UBE3B: variants seen among roughly 807,000 people sequenced by gnomAD.
UBE3B encodes ubiquitin-protein ligase E3B.
A neutral mutation model predicts 132.3 loss-of-function variants in UBE3B; 80 were observed. That is an observed-to-expected ratio of 0.60 (90% CI 0.50 to 0.73). The LOEUF is 0.73. Ranked by LOEUF, UBE3B falls within the 30% of genes least tolerant of loss-of-function variation. UBE3B has a pLI of 0.00. For synonymous variants in UBE3B, 487 were observed against 520.4 expected, an observed-to-expected ratio of 0.94 and a Z score of 0.87; for missense variants, 1,196 against 1,362.5, an observed-to-expected ratio of 0.88 and a Z score of 1.92.
In UBE3B at chr12:109,500,569, G is replaced by A. The variant is rs532127059; in HGVS notation, c.1118+759G>A. Among the ~76,000 whole-genome samples, 13 of 152,284 alleles carry A rather than the reference G, an allele frequency of 8.5e-5. No homozygotes were observed. In the East Asian group the frequency reaches 1.7e-3, roughly 20 times the overall value. ...TTGCTAGGGAACAGCCTGCCCCAGC[G>A]TGACACCTCAGCCTGAGGAGGATGG... is the stretch of plus-strand genomic sequence containing the variant. On this transcript the variant is annotated intron_variant, in intron 12 of 27. Transcript: ENST00000342494.
intron 10 of UBE3B, 58 bp from the exon 11 acceptor site, chr12:109,498,175 T>G (rs1878478199): frequency 1.3e-6 from 2 of 1,598,336 alleles, no homozygotes; most frequent in Non-Finnish European, 1.7e-6. Context: ...TCAAGTTCAC[T>G]CTCTACAGGA....
rs951958864 is a variant in UBE3B, at chr12:109,536,279, A to G, written c.*1497A>G. On this transcript the variant is annotated 3_prime_UTR_variant, in exon 28 of 28. Transcript: ENST00000342494. ...TAACCTCTGATTCTGTGGACTTGCC[A>G]CTTTCTCCAAACGCTCGGTTCCTTT... 1 of 152,248 alleles carries G rather than the reference A, an allele frequency of 6.6e-6. No homozygotes were observed. The highest frequency in any genetic ancestry group is 1.5e-5 in the Non-Finnish European group (1 of 68,054). 9.4% of individuals were successfully genotyped at this position (152,248 alleles called of 1,614,324 possible). A position where few individuals can be genotyped will look rare whatever the true frequency, so the allele number is the denominator to read the frequency against.
At chr12:109,511,505 T>C (rs1476847638) in intron 18 of UBE3B, among the ~76,000 whole-genome samples, 3 of 152,188 alleles carry the variant, frequency 2.0e-5, no homozygotes, top group African/African-American at 7.2e-5. Flanking sequence ...GAACTGGCGA[T>C]GCTGGTGGAG....
chr12:109,501,284 G>A (rs1878951029), intron 12 of UBE3B, 87 bp from the exon 13 acceptor site: 1 of 1,529,536 alleles, frequency 6.5e-7, no homozygotes, highest in Non-Finnish European at 8.9e-7. Flanking sequence ...ACAGCTCCGA[G>A]TGGAAGGCCA....
chr12:109,483,483 T>C, intron 2 of UBE3B, 48 bp from the exon 3 acceptor site: 1 of 1,497,916 alleles, frequency 6.7e-7, no homozygotes, highest in South Asian at 1.4e-5. Flanking sequence ...TCTGTGTGTG[T>C]TTTTCACACA....
At chr12:109,485,111 T>C (rs1592877853) in intron 4 of UBE3B, among the ~76,000 whole-genome samples, 1 of 152,198 alleles carries the variant, frequency 6.6e-6, no homozygotes, top group East Asian at 1.9e-4. Flanking sequence ...CTGCAAATCA[T>C]ACAAAAGGTG....
Position 109,478,085 on chromosome 12 carries a change from C to T in UBE3B, c.-152C>T, listed in dbSNP as rs370992279. The T allele has an allele frequency of 6.5e-6, 1 of 153,266 alleles. No individual in the cohort carries two copies. The highest frequency in any genetic ancestry group is 2.0e-4 in the South Asian group (1 of 4,958). 9.5% of individuals were successfully genotyped at this position (153,266 alleles called of 1,614,324 possible). ...ACTCACCTAAACTGGAGTTCGAATA[C>T]TGTTCGCTCGCTGTGTGACCTTGGG... On this transcript the variant is annotated 5_prime_UTR_variant, in exon 1 of 28. Transcript: ENST00000342494.
At chr12:109,517,520 CA>C in intron 19 of UBE3B, among the ~76,000 whole-genome samples, 1 of 152,156 alleles carries the variant, frequency 6.6e-6, no homozygotes, top group South Asian at 2.1e-4. Context: ...ACCGTGCCTC[CA>C]ATCTGCTGGA....
At chr12:109,498,020 C>A (rs1878458317) in intron 10 of UBE3B, 97 bp downstream of exon 10, 3 of 1,404,078 alleles carry the variant, frequency 2.1e-6, no homozygotes, top group African/African-American at 2.8e-5. Context: ...CTTATTTCCA[C>A]ACCTCCCTTT....
chr12:109,503,342 C>T, intron 14 of UBE3B, 152 bp downstream of exon 14: 2 of 973,382 alleles, frequency 2.1e-6, no homozygotes, highest in Non-Finnish European at 3.0e-6. Flanking sequence ...GATTAGTCCA[C>T]CTCAGTTACA....
Position 109,516,887 on chromosome 12 carries a change from G to A in UBE3B, c.2076+3G>A. On this transcript the variant is annotated splice_donor_region_variant and intron_variant, in intron 19 of 27. Coordinates refer to ENST00000342494, the MANE Select transcript of UBE3B (RefSeq NM_130466.4). Reference sequence around the variant, plus strand: ...TCCGCCGGTCCAGGATGCTGGAGGTGAGTGTGAAGCCTATGGAATCCTACC... The same window carrying A: ...TCCGCCGGTCCAGGATGCTGGAGGTAAGTGTGAAGCCTATGGAATCCTACC... The A allele has an allele frequency of 6.2e-7, 1 of 1,613,764 alleles. No individual in the cohort carries two copies. Among genetic ancestry groups the A allele is most frequent in the Non-Finnish European group, 8.5e-7 (1 of 1,179,904 alleles).
chr12:109,494,203 T>A (rs1247268882), intron 9 of UBE3B, among the ~76,000 whole-genome samples: 1 of 152,078 alleles, frequency 6.6e-6, no homozygotes, highest in Non-Finnish European at 1.5e-5. Flanking sequence ...CAGCAGGGAG[T>A]GGCCAGGCCA....
intron 12 of UBE3B, among the ~76,000 whole-genome samples, chr12:109,500,992 A>C (rs1386877639): frequency 6.6e-6 from 1 of 152,164 alleles, no homozygotes; most frequent in African/African-American, 2.4e-5. Flanking sequence ...GAATGCAAGG[A>C]AACACTGAGG....
At position 109,507,627 on chromosome 12, in the gene UBE3B, A is replaced by G. The variant is rs770705560; in HGVS notation, c.1514A>G (p.His505Arg). 3 of 1,614,142 alleles carry G rather than the reference A, an allele frequency of 1.9e-6. No homozygotes were observed. Among genetic ancestry groups the G allele is most frequent in the Non-Finnish European group, 2.5e-6 (3 of 1,180,016 alleles). The change falls in exon 15 of 28, where the codon CAC becomes CGC. Residue 505 changes from histidine to arginine, a missense_variant. By Grantham distance (29) the His-to-Arg change is conservative. Transcript: ENST00000342494. ...LWAFICELGP[H>R]GGLKLFLECL... ...GCATTTATCTGTGAGCTCGGGCCCC[A>G]CGGAGGGTTAAAGCTCTTCTTGGAA...
At position 109,535,703 on chromosome 12, in the gene UBE3B, C is replaced by T. The variant is rs1262203421; in HGVS notation, c.*921C>T. ...TCCCATCTGGGCGGTGGCTTCACTC[C>T]TGAGTCTGCAAAATCCCAGGAAACT... On this transcript the variant is annotated 3_prime_UTR_variant, in exon 28 of 28. Transcript: ENST00000342494. 1 of 152,270 alleles carries T rather than the reference C, an allele frequency of 6.6e-6. No homozygotes were observed. Among genetic ancestry groups the T allele is most frequent in the Admixed American group, 6.5e-5 (1 of 15,282 alleles). The allele number at this position is 152,270 out of a possible 1,614,324, so 9.4% of individuals were successfully genotyped here. A position where few individuals can be genotyped will look rare whatever the true frequency, so the allele number is the denominator to read the frequency against.
At chr12:109,547,206 T>G in the UBE3B span, among the ~76,000 whole-genome samples, 1 of 152,204 alleles carries the variant, frequency 6.6e-6, no homozygotes, top group Non-Finnish European at 1.5e-5. This position sits in a 1 kb window ranked among gnomAD's most constrained non-coding sequence, Gnocchi z 4.1. Flanking sequence ...CTGCCCACAC[T>G]GGCCCCAGGG....
At chr12:109,517,118 C>T (rs548411950) in intron 19 of UBE3B, among the ~76,000 whole-genome samples, 1 of 152,274 alleles carries the variant, frequency 6.6e-6, no homozygotes, top group Non-Finnish European at 1.5e-5. Context: ...CCCATGAGAG[C>T]TAGAGTATCC....
chr12:109,518,470 A>G (rs1024008470), intron 19 of UBE3B, among the ~76,000 whole-genome samples: 3 of 152,142 alleles, frequency 2.0e-5, no homozygotes, highest in African/African-American at 7.2e-5. Flanking sequence ...TGGGCCACCC[A>G]TTTGCAACCT....
chr12:109,528,595 T>A, intron 24 of UBE3B: 1 of 723,008 alleles, frequency 1.4e-6, no homozygotes, highest in Non-Finnish European at 1.7e-6. Context: ...GGCTCACACC[T>A]GTAATCCCAG....
Sources: allele counts gnomAD v4.1 joint callset (sites outside exome capture counted in the v4.1 genomes callset), GRCh38; gene constraint gnomAD v4.1.1; non-coding constraint Gnocchi (gnomAD v3.1); transcripts MANE v1.5; gene names NCBI Gene and HGNC (gene_info 2026-07-23, HGNC 2026-07-21).